The following MGAT4C variants were observed in gnomAD, a reference collection of about 807,000 sequenced individuals.
The protein encoded by MGAT4C is alpha-1,3-mannosyl-glycoprotein 4-beta-N-acetylglucosaminyltransferase C.
A neutral mutation model predicts 40.1 loss-of-function variants in MGAT4C; 19 were observed. The ratio of observed to expected loss-of-function variants is 0.47; its 90% CI spans 0.33 to 0.70. The LOEUF is 0.70. Ranked by LOEUF, MGAT4C falls within the 30% of genes least tolerant of loss-of-function variation. The pLI is 0.02. For missense variants in MGAT4C, 491 were observed against 563.2 expected (o/e 0.87, Z 1.30); for synonymous variants, 181 against 187.1 (o/e 0.97, Z 0.27).
intron 4 of MGAT4C, among the ~76,000 whole-genome samples, chr12:85,982,793 G>C (rs1264286440): frequency 6.6e-6 from 1 of 152,094 alleles, no homozygotes; most frequent in African/African-American, 2.4e-5. Context: ...TAAGGATCTT[G>C]AGCTGCAATA....
rs186465227 is a variant in MGAT4C at position 86,528,480 on chromosome 12, C to A, written c.-228-93215G>T. Among the ~76,000 whole-genome samples, 509 of 151,668 alleles carry A rather than the reference C, an allele frequency of 3.4e-3. 1 individual carries two copies. The highest frequency in any genetic ancestry group is 0.012 in the African/African-American group (492 of 41,388). On this transcript the variant is annotated intron_variant, in intron 2 of 7. Coordinates refer to the MGAT4C transcript ENST00000548651. Reference sequence around the variant, plus strand: ...CTTTCTTCTTCCTATGTACTTAGGCCAAATAAAAATATACTGTATATAAAT... The same window carrying A: ...CTTTCTTCTTCCTATGTACTTAGGCAAAATAAAAATATACTGTATATAAAT...
chr12:86,036,307 T>G (rs1282001091), intron 2 of MGAT4C, among the ~76,000 whole-genome samples: 2 of 150,046 alleles, frequency 1.3e-5, no homozygotes, highest in Admixed American at 6.7e-5. Context: ...AGCCTTTATT[T>G]ATTTCTCTTT....
intron 2 of MGAT4C, among the ~76,000 whole-genome samples, chr12:86,515,373 T>C (rs1279484045): frequency 3.9e-5 from 6 of 152,226 alleles, no homozygotes; most frequent in Middle Eastern, 3.4e-3. Flanking sequence ...CAATCTGGTA[T>C]ACAAAAAAAT....
intron 2 of MGAT4C, among the ~76,000 whole-genome samples, chr12:86,489,288 C>A (rs1239083609): frequency 6.6e-6 from 1 of 152,168 alleles, no homozygotes; most frequent in Non-Finnish European, 1.5e-5. Flanking sequence ...GCTCCCCTCC[C>A]CACTGAGAGC....
chr12:86,017,985 G>T (rs1206578010), intron 2 of MGAT4C, among the ~76,000 whole-genome samples: 1 of 152,132 alleles, frequency 6.6e-6, no homozygotes, highest in Non-Finnish European at 1.5e-5. Flanking sequence ...ATGCTGATAT[G>T]AAATGACAAG....
At chr12:86,380,893 C>T (rs1264755058) in intron 3 of MGAT4C, among the ~76,000 whole-genome samples, 4 of 152,084 alleles carry the variant, frequency 2.6e-5, no homozygotes, top group Admixed American at 1.3e-4. Context: ...TTTAAATGTT[C>T]TTAAAAGACA....
At chr12:85,983,715 G>A (rs1453726568) in intron 3 of MGAT4C, 45 bp from the exon 4 acceptor site, 3 of 1,404,344 alleles carry the variant, frequency 2.1e-6, no homozygotes, top group Non-Finnish European at 1.9e-6. Context: ...AATAATAGAT[G>A]GTCATGGATT....
chr12:86,281,623 A>G, intron 4 of MGAT4C, among the ~76,000 whole-genome samples: 1 of 152,042 alleles, frequency 6.6e-6, no homozygotes, highest in African/African-American at 2.4e-5. Context: ...GCCTGAAGTC[A>G]TCCTCCTGCC....
chr12:86,252,425 C>G (rs1433663191), intron 1 of MGAT4C, among the ~76,000 whole-genome samples: 2 of 151,948 alleles, frequency 1.3e-5, no homozygotes, highest in Admixed American at 6.6e-5. Context: ...TTAAATGATA[C>G]TATCTAAAAA....
chr12:86,269,960 ATAAAGTATAT>A (rs751526805), intron 4 of MGAT4C, among the ~76,000 whole-genome samples: 251 of 152,310 alleles, frequency 1.6e-3, no homozygotes, highest in Non-Finnish European at 2.0e-3. Context: ...GGTCAGTATC[ATAAAGTATAT>A]TCACGCTGTT....
intron 1 of MGAT4C, among the ~76,000 whole-genome samples, chr12:86,255,970 G>A (rs533057187): frequency 6.6e-6 from 1 of 152,128 alleles, no homozygotes; most frequent in South Asian, 2.1e-4. Context: ...TCAAAATTGT[G>A]GTCTTATAAT....
intron 3 of MGAT4C, among the ~76,000 whole-genome samples, chr12:86,387,033 TA>T (rs1410407698): frequency 2.6e-5 from 4 of 152,174 alleles, no homozygotes; most frequent in Non-Finnish European, 5.9e-5. Flanking sequence ...TTATTTTCTA[TA>T]AATTGGCTTA....
intron 2 of MGAT4C, among the ~76,000 whole-genome samples, chr12:86,465,747 G>A (rs952838672): frequency 6.6e-6 from 1 of 152,182 alleles, no homozygotes; most frequent in African/African-American, 2.4e-5. Flanking sequence ...TGGCAAGGAT[G>A]TGGAGCAATG....
intron 2 of MGAT4C, among the ~76,000 whole-genome samples, chr12:86,550,867 TG>T (rs919516334): frequency 6.6e-6 from 1 of 152,212 alleles, no homozygotes; most frequent in African/African-American, 2.4e-5. Flanking sequence ...GCCTGGGGCC[TG>T]ACAAATAGCC....
rs748745573 is a variant in MGAT4C, at chr12:86,633,596, A to C, written c.-229+93613T>G. On this transcript the variant is annotated intron_variant, in intron 2 of 7. Coordinates refer to the MGAT4C transcript ENST00000548651. Reference sequence around the variant, plus strand: ...AATCTCAAAAATAATTAGATGCAATAAATTATGGCAAAATCCCTAACATTT... The same window carrying C: ...AATCTCAAAAATAATTAGATGCAATCAATTATGGCAAAATCCCTAACATTT... Among the ~76,000 whole-genome samples the C allele has an allele frequency of 4.4e-4, 67 of 152,260 alleles. 1 individual carries two copies. Among genetic ancestry groups the C allele is most frequent in the Non-Finnish European group, 9.0e-4 (61 of 68,010 alleles).
At chr12:86,632,409 T>C (rs897946041) in intron 2 of MGAT4C, among the ~76,000 whole-genome samples, 1 of 152,208 alleles carries the variant, frequency 6.6e-6, no homozygotes, top group Admixed American at 6.5e-5. Context: ...TTACTGGGTA[T>C]ATACCCAAAG....
intron 2 of MGAT4C, among the ~76,000 whole-genome samples, chr12:86,603,476 A>T (rs1228350175): frequency 1.7e-5 from 2 of 118,158 alleles, no homozygotes; most frequent in Non-Finnish European, 3.2e-5. Context: ...TACTATATAT[A>T]GTCTATAGAC....
intron 3 of MGAT4C, among the ~76,000 whole-genome samples, chr12:86,373,663 T>C (rs1316737587): frequency 1.3e-5 from 2 of 151,922 alleles, no homozygotes; most frequent in East Asian, 3.9e-4. Context: ...GTTTTTTTTT[T>C]TTTTGATGTA....
chr12:86,668,905 C>T (rs999274971), intron 2 of MGAT4C, among the ~76,000 whole-genome samples: 1 of 152,136 alleles, frequency 6.6e-6, no homozygotes, highest in Non-Finnish European at 1.5e-5. Flanking sequence ...CTGCTCCACC[C>T]CCAGACAGAA....
Sources: gnomAD v4.1 joint callset for allele counts (sites outside exome capture counted in the v4.1 genomes callset) on GRCh38, gnomAD v4.1.1 for gene constraint, MANE v1.5 for transcripts, NCBI Gene and HGNC (gene_info 2026-07-23, HGNC 2026-07-21) for gene names.